The following ARHGAP15 variants were observed in gnomAD, a reference collection of about 807,000 sequenced individuals.
ARHGAP15 encodes the protein Rho GTPase activating protein 15.
ARHGAP15 carries 51 observed loss-of-function variants against 63.7 expected under a neutral mutation model. The observed-to-expected ratio is 0.80, with a 90% confidence interval of 0.64 to 1.01. The LOEUF is 1.01. ARHGAP15 is among the 50% of genes least tolerant of loss of function. The probability of loss-of-function intolerance (pLI) is 0.00; values close to 1 mark genes in which losing one functional copy is unlikely to be tolerated. For synonymous variants in ARHGAP15, 191 were observed against 193.8 expected (o/e 0.99, Z 0.12); for missense variants, 560 against 564.6 (o/e 0.99, Z 0.08).
intron 6 of ARHGAP15, among the ~76,000 whole-genome samples, chr2:143,426,024 C>T (rs1357708961): frequency 6.6e-6 from 1 of 152,106 alleles, no homozygotes; most frequent in Non-Finnish European, 1.5e-5. Flanking sequence ...TCTTGTGAGC[C>T]ACACACTCTG....
At chr2:143,147,523 C>T (rs191710801) in intron 1 of ARHGAP15, among the ~76,000 whole-genome samples, 24 of 152,058 alleles carry the variant, frequency 1.6e-4, no homozygotes, top group African/African-American at 5.3e-4. Context: ...ATTACAATGG[C>T]GCAGGCATTT....
At chr2:143,309,307 C>T (rs1396154472) in intron 6 of ARHGAP15, among the ~76,000 whole-genome samples, 1 of 152,060 alleles carries the variant, frequency 6.6e-6, no homozygotes, top group Admixed American at 6.6e-5. Context: ...ATACCATTTG[C>T]AGCTGTTGGC....
chr2:143,726,661 A>T (rs1350320397), intron 13 of ARHGAP15, among the ~76,000 whole-genome samples: 1 of 152,210 alleles, frequency 6.6e-6, no homozygotes, highest in Non-Finnish European at 1.5e-5. Context: ...GTTCCCTGTG[A>T]CGGCTAGAAC....
chr2:143,283,911 G>A (rs1435249505), intron 6 of ARHGAP15, among the ~76,000 whole-genome samples: 1 of 151,920 alleles, frequency 6.6e-6, no homozygotes, highest in African/African-American at 2.4e-5. Context: ...CTTCAGCTAT[G>A]CCTTTACTTG....
At chr2:143,250,469 G>A (rs1680101379) in intron 5 of ARHGAP15, 42 bp from the exon 6 acceptor site, 7 of 1,435,886 alleles carry the variant, frequency 4.9e-6, no homozygotes, top group Non-Finnish European at 6.9e-6. Flanking sequence ...TCTATCTACA[G>A]TGTTGCATCC....
At chr2:143,399,701 GA>G (rs1171067337) in intron 6 of ARHGAP15, among the ~76,000 whole-genome samples, 1 of 151,956 alleles carries the variant, frequency 6.6e-6, no homozygotes, top group Non-Finnish European at 1.5e-5. Context: ...GTCGTTCACA[GA>G]GTAAGTTAGG....
At chr2:143,641,633 TC>T (rs1574755282) in intron 12 of ARHGAP15, among the ~76,000 whole-genome samples, 1 of 152,248 alleles carries the variant, frequency 6.6e-6, no homozygotes, top group East Asian at 1.9e-4. Context: ...GATGCAATTT[TC>T]ACACAGTAAA....
chr2:143,496,859 A>G (rs944371083), intron 9 of ARHGAP15, among the ~76,000 whole-genome samples: 2 of 152,214 alleles, frequency 1.3e-5, no homozygotes, highest in Admixed American at 6.5e-5. Flanking sequence ...TTTTTAGCCA[A>G]TGACCCCTAA....
Position 143,437,055 on chromosome 2 carries a change from T to A in ARHGAP15, c.703+13T>A, listed in dbSNP as rs755054921. The A allele has an allele frequency of 6.3e-7, 1 of 1,587,818 alleles. No individual in the cohort carries two copies. Among genetic ancestry groups the A allele is most frequent in the East Asian group, 2.2e-5 (1 of 44,554 alleles). ...AGAAAATCTTTAAGTGAGTATTTTC[T>A]TTGACTTGCTCATTTTAAGTTTGTC... On this transcript the variant is annotated intron_variant, in intron 8 of 13. Coordinates refer to ENST00000295095, the MANE Select transcript of ARHGAP15 (RefSeq NM_018460.4).
chr2:143,349,905 G>T (rs1372489937), intron 6 of ARHGAP15, among the ~76,000 whole-genome samples: 4 of 152,074 alleles, frequency 2.6e-5, no homozygotes, highest in Admixed American at 2.6e-4. Context: ...TGGATGATAA[G>T]ATATTAAGAT....
intron 12 of ARHGAP15, among the ~76,000 whole-genome samples, chr2:143,694,154 C>T (rs776425980): frequency 1.9e-4 from 28 of 150,518 alleles, no homozygotes; most frequent in Non-Finnish European, 2.5e-4. Context: ...AAATTAAAGG[C>T]GTGAATTTAA....
intron 11 of ARHGAP15, among the ~76,000 whole-genome samples, chr2:143,581,817 A>G (rs1559063268): frequency 6.6e-6 from 1 of 152,148 alleles, no homozygotes; most frequent in Non-Finnish European, 1.5e-5. Flanking sequence ...GGAAGAGCAA[A>G]AACTCTCATC....
At chr2:143,377,543 GC>G (rs1455099408) in intron 6 of ARHGAP15, among the ~76,000 whole-genome samples, 8 of 151,838 alleles carry the variant, frequency 5.3e-5, no homozygotes, top group Non-Finnish European at 1.2e-4. Flanking sequence ...GGGATCTGAA[GC>G]TAGTTTTGTT....
At chr2:143,650,548 T>C (rs1420488184) in intron 12 of ARHGAP15, among the ~76,000 whole-genome samples, 1 of 151,906 alleles carries the variant, frequency 6.6e-6, no homozygotes, top group Non-Finnish European at 1.5e-5. Context: ...GATTTTCCCA[T>C]AGTATTGGGT....
intron 12 of ARHGAP15, among the ~76,000 whole-genome samples, chr2:143,643,427 A>ACCCCCCCCC (rs10540732): frequency 4.7e-5 from 6 of 128,342 alleles, no homozygotes; most frequent in Admixed American, 8.1e-5. Flanking sequence ...CCCTCCACCC[A>ACCCCCCCCC]CCCCCCCCCA....
chr2:143,267,869 T>C (rs1681074726), intron 6 of ARHGAP15, among the ~76,000 whole-genome samples: 1 of 152,146 alleles, frequency 6.6e-6, no homozygotes, highest in Admixed American at 6.5e-5. Flanking sequence ...TTTCTCTAGC[T>C]AGTTTTATGA....
chr2:143,626,403 G>T (rs1559088149), intron 12 of ARHGAP15, among the ~76,000 whole-genome samples: 2 of 152,062 alleles, frequency 1.3e-5, no homozygotes, highest in Admixed American at 6.6e-5. Context: ...CCTGCCGGTG[G>T]GTTCGTGGTC....
intron 6 of ARHGAP15, among the ~76,000 whole-genome samples, chr2:143,376,523 T>G (rs948592091): frequency 1.3e-5 from 2 of 152,108 alleles, no homozygotes; most frequent in African/African-American, 4.8e-5. Flanking sequence ...GCTAAGAACA[T>G]TTATTTTTAT....
chr2:143,186,477 C>T (rs892746817), intron 2 of ARHGAP15, among the ~76,000 whole-genome samples: 14 of 152,084 alleles, frequency 9.2e-5, no homozygotes, highest in African/African-American at 3.4e-4. Flanking sequence ...GTATGTTTTG[C>T]ACCTGTTCAT....
Sources: allele counts gnomAD v4.1 joint callset (sites outside exome capture counted in the v4.1 genomes callset), GRCh38; gene constraint gnomAD v4.1.1; transcripts MANE v1.5; gene names NCBI Gene and HGNC (gene_info 2026-07-23, HGNC 2026-07-21).